Variants in TXK observed in about 807,000 individuals in gnomAD.
The protein encoded by TXK is tyrosine-protein kinase TXK.
In TXK, 60 loss-of-function variants were observed where a neutral mutation model predicts 81.0. The ratio of observed to expected loss-of-function variants is 0.74; its 90% confidence interval spans 0.60 to 0.92. The LOEUF is 0.92. Among genes scored for constraint, TXK ranks in the 40% least tolerant of loss-of-function variants. The probability of loss-of-function intolerance (pLI) is 0.00; values close to 1 mark genes in which losing one functional copy is unlikely to be tolerated. For missense variants in TXK, 581 were observed against 638.3 expected (o/e 0.91, Z 0.97); for synonymous variants, 203 against 210.7 (o/e 0.96, Z 0.32).
rs1181872791 is a variant in TXK at position 48,069,492 on chromosome 4, ATT to A, written c.1516-1789_1516-1788del. Among the ~76,000 whole-genome samples the A allele has an allele frequency of 7.3e-4, 111 of 151,412 alleles. 1 individual carries two copies. Among genetic ancestry groups the A allele is most frequent in the Non-Finnish European group, 1.2e-4 (8 of 67,816 alleles). On this transcript the variant is annotated intron_variant, in intron 14 of 14. Coordinates refer to ENST00000264316, the MANE Select transcript of TXK (RefSeq NM_003328.3). ...AGGTGCCCGCCACCATGCCCAGCTA[ATT>A]TTTTTGTATTTTTAGTAGAGACGGG...
At chr4:48,096,607 A>C (rs188921822) in intron 6 of TXK, among the ~76,000 whole-genome samples, 3,316 of 151,592 alleles carry the variant, frequency 0.022, 127 homozygotes, top group Admixed American at 0.1. Context: ...TGCAACCTCC[A>C]CCTCCCAGGT....
At chr4:48,118,509 TCA>T (rs767272578) in intron 1 of TXK, among the ~76,000 whole-genome samples, 3 of 152,212 alleles carry the variant, frequency 2.0e-5, no homozygotes, top group Non-Finnish European at 4.4e-5. Flanking sequence ...ATGACTGATT[TCA>T]CAGTCCTTTG....
At chr4:48,113,166 A>G (rs769540519) in intron 3 of TXK, 41 bp downstream of exon 3, 1 of 1,486,278 alleles carries the variant, frequency 6.7e-7, no homozygotes, top group Non-Finnish European at 9.4e-7. Context: ...TAAAAAGACA[A>G]CCTTCTCCAT....
chr4:48,068,498 C>T (rs1311736896), intron 14 of TXK, among the ~76,000 whole-genome samples: 2 of 152,194 alleles, frequency 1.3e-5, no homozygotes, highest in Admixed American at 1.3e-4. Flanking sequence ...GTCCCTCTCA[C>T]ACATAGAAAA....
intron 13 of TXK, among the ~76,000 whole-genome samples, chr4:48,072,546 GATTA>G (rs944002579): frequency 2.6e-5 from 4 of 152,220 alleles, no homozygotes; most frequent in African/African-American, 7.2e-5. Context: ...TTGATTGATT[GATTA>G]GTGAAACTCC....
intron 1 of TXK, among the ~76,000 whole-genome samples, chr4:48,132,320 A>T (rs1275134631): frequency 6.6e-6 from 1 of 152,102 alleles, no homozygotes; most frequent in Non-Finnish European, 1.5e-5. Context: ...CTTAGAGGTA[A>T]ATTAATAAGT....
Position 48,114,750 on chromosome 4 carries a change from A to G in TXK, c.17-348T>C, listed in dbSNP as rs1043415920. Among the ~76,000 whole-genome samples the G allele has an allele frequency of 2.0e-5, 3 of 152,340 alleles. No individual in the cohort carries two copies. The East Asian group carries it at 5.8e-4, about 29-fold the overall frequency. On this transcript the variant is annotated intron_variant, in intron 1 of 14. Coordinates refer to ENST00000264316, the MANE Select transcript of TXK (RefSeq NM_003328.3). ...ATTCCAGAAGTGATGCTCTCCTAGG[A>G]AATCTGTTAGCAGGGATTTTGAATT...
At chr4:48,094,764 T>G (rs1003873) in intron 7 of TXK, among the ~76,000 whole-genome samples, 2 of 152,018 alleles carry the variant, frequency 1.3e-5, no homozygotes, top group African/African-American at 4.8e-5. Flanking sequence ...CACTTTCAGC[T>G]TAGCCACGGG....
intron 6 of TXK, among the ~76,000 whole-genome samples, chr4:48,095,478 T>C (rs941248943): frequency 3.9e-5 from 6 of 152,346 alleles, no homozygotes; most frequent in Admixed American, 6.5e-5. Flanking sequence ...TACTGATTTT[T>C]CTAAGAAAAA....
At chr4:48,122,939 T>C (rs1293269864) in intron 1 of TXK, among the ~76,000 whole-genome samples, 3 of 151,832 alleles carry the variant, frequency 2.0e-5, no homozygotes, top group Admixed American at 6.5e-5. Context: ...GGAGGCTTCA[T>C]AGATACTAGA....
intron 1 of TXK, among the ~76,000 whole-genome samples, chr4:48,132,944 T>TAA (rs761044150): frequency 4.5e-5 from 6 of 134,488 alleles, no homozygotes; most frequent in African/African-American, 1.6e-4. Context: ...AGACTCTGTC[T>TAA]AAAAAAAAAA....
intron 9 of TXK, among the ~76,000 whole-genome samples, chr4:48,088,141 G>A (rs956373229): frequency 6.6e-6 from 1 of 152,072 alleles, no homozygotes; most frequent in African/African-American, 2.4e-5. Flanking sequence ...TGGCTAACAT[G>A]TAAAAAAAAA....
intron 1 of TXK, among the ~76,000 whole-genome samples, chr4:48,132,097 T>C (rs1719260739): frequency 6.6e-6 from 1 of 152,028 alleles, no homozygotes; most frequent in African/African-American, 2.4e-5. Context: ...TATGAGGGGA[T>C]TTCGCTTAAA....
At chr4:48,115,960 G>C (rs79656321) in intron 1 of TXK, among the ~76,000 whole-genome samples, 1,827 of 152,272 alleles carry the variant, frequency 0.012, 31 homozygotes, top group African/African-American at 0.039. Flanking sequence ...AAATATTCTG[G>C]AGGCAGCAGA....
At chr4:48,103,677 T>C (rs1187949077) in intron 6 of TXK, among the ~76,000 whole-genome samples, 1 of 152,214 alleles carries the variant, frequency 6.6e-6, no homozygotes, top group Non-Finnish European at 1.5e-5. Context: ...TTACTGACAG[T>C]TGGAAATTTA....
chr4:48,104,783 G>T, intron 6 of TXK, 118 bp downstream of exon 6: 2 of 709,638 alleles, frequency 2.8e-6, no homozygotes, highest in Non-Finnish European at 4.8e-6. Context: ...ATATAGTTGG[G>T]ATGTAATGAT....
chr4:48,131,129 G>A lies in TXK; in HGVS notation c.16+3026C>T, dbSNP rs945758511. On this transcript the variant is annotated intron_variant, in intron 1 of 14. Transcript: ENST00000264316. ...TGGAAATGCTGGCAATACCAAGTAC[G>A]TTTCACAAACTGAATCTCACTGGAG... 2.0e-5 allele frequency among the ~76,000 whole-genome samples: 3 copies of A among 152,166 alleles called. No individual in the cohort carries two copies. The South Asian group carries it at 6.2e-4, about 32-fold the overall frequency.
chr4:48,086,696 CTGGAAAA>C (rs1409989512), intron 9 of TXK, 59 bp from the exon 10 acceptor site: 1 of 1,505,068 alleles, frequency 6.6e-7, no homozygotes, highest in Non-Finnish European at 9.2e-7. Flanking sequence ...AATATTAGGG[CTGGAAAA>C]TGTTTAGGAA....
intron 1 of TXK, among the ~76,000 whole-genome samples, chr4:48,121,783 C>T (rs1250960310): frequency 6.6e-6 from 1 of 151,828 alleles, no homozygotes; most frequent in South Asian, 2.1e-4. Context: ...CAATGTGGAA[C>T]CTGTGGATAC....
Sources: gnomAD v4.1 joint callset for allele counts (sites outside exome capture counted in the v4.1 genomes callset) on GRCh38, gnomAD v4.1.1 for gene constraint, MANE v1.5 for transcripts, NCBI Gene and HGNC (gene_info 2026-07-23, HGNC 2026-07-21) for gene names.